Variants in AKAP13 observed in about 807,000 individuals in gnomAD.
The protein encoded by AKAP13 is A-kinase anchoring protein 13, also known as A-kinase anchor protein 13.
AKAP13 carries 80 observed loss-of-function variants against 264.5 expected under a neutral mutation model. The observed-to-expected ratio is 0.30, with a 90% confidence interval of 0.25 to 0.36. The LOEUF is 0.36. AKAP13 is among the 10% of genes least tolerant of loss of function. The probability of loss-of-function intolerance (pLI) is 1.00; values close to 1 mark genes in which losing one functional copy is unlikely to be tolerated. For synonymous variants in AKAP13, 1,380 were observed against 1,250.2 expected (o/e 1.10, Z -2.19); for missense variants, 3,712 against 3,435.2 (o/e 1.08, Z -2.01).
chr15:85,412,415 C>G (rs2072017233), intron 1 of AKAP13, among the ~76,000 whole-genome samples: 2 of 152,180 alleles, frequency 1.3e-5, no homozygotes, highest in Non-Finnish European at 2.9e-5. Flanking sequence ...ATCCAGCTGT[C>G]TTCTATTAAG....
intron 5 of AKAP13, among the ~76,000 whole-genome samples, chr15:85,562,350 A>C (rs950822451): frequency 1.3e-5 from 2 of 151,614 alleles, no homozygotes; most frequent in African/African-American, 4.8e-5. Flanking sequence ...GGATCACCTG[A>C]GGTCAGGAGT....
At chr15:85,651,969 T>G (rs2082874886) in intron 10 of AKAP13, among the ~76,000 whole-genome samples, 1 of 152,234 alleles carries the variant, frequency 6.6e-6, no homozygotes, top group African/African-American at 2.4e-5. Flanking sequence ...TGATGTTTTG[T>G]TTTCCTTTTT....
intron 1 of AKAP13, among the ~76,000 whole-genome samples, chr15:85,414,537 A>G (rs1044351189): frequency 1.3e-5 from 2 of 152,362 alleles, no homozygotes; most frequent in Non-Finnish European, 2.9e-5. Flanking sequence ...AAGATGGGAA[A>G]AAATCCTCTT....
intron 17 of AKAP13, among the ~76,000 whole-genome samples, chr15:85,707,740 C>T (rs575095455): frequency 4.6e-5 from 7 of 151,966 alleles, no homozygotes; most frequent in South Asian, 4.2e-4. Flanking sequence ...TCACTTGAGT[C>T]GTTGTTCCTC....
At chr15:85,661,060 C>T (rs1373906165) in intron 12 of AKAP13, among the ~76,000 whole-genome samples, 1 of 152,138 alleles carries the variant, frequency 6.6e-6, no homozygotes, top group Non-Finnish European at 1.5e-5. Flanking sequence ...TTTTATTGTC[C>T]ACAAGCTCTG....
chr15:85,700,124 T>C (rs2151662063), intron 17 of AKAP13, among the ~76,000 whole-genome samples: 1 of 152,350 alleles, frequency 6.6e-6, no homozygotes, highest in South Asian at 2.1e-4. Context: ...TATTTCTAGG[T>C]TACAAATAGT....
intron 1 of AKAP13, among the ~76,000 whole-genome samples, chr15:85,399,364 C>T (rs1289586316): frequency 9.4e-5 from 14 of 148,874 alleles, no homozygotes; most frequent in Admixed American, 8.7e-4. Context: ...GGCGCGGTGG[C>T]GGGCGCCTGT....
In AKAP13 at chr15:85,747,975, G is replaced by A. The variant is rs1416392932; in HGVS notation, c.*3298G>A. Reference sequence around the variant, plus strand: ...CGTTGTTTCTTGATGTGGGAGGGGAGGTGTTAGTGCATGCAAGGGTTGAAC... The same window carrying A: ...CGTTGTTTCTTGATGTGGGAGGGGAAGTGTTAGTGCATGCAAGGGTTGAAC... On this transcript the variant is annotated 3_prime_UTR_variant, in exon 37 of 37. Transcript: ENST00000394518. 1.3e-5 allele frequency: 2 copies of A among 152,598 alleles called. No individual in the cohort carries two copies. The highest frequency in any genetic ancestry group is 4.8e-5 in the African/African-American group (2 of 41,410). The allele number at this position is 152,598 out of a possible 1,614,324, so 9.5% of individuals were successfully genotyped here.
At position 85,649,473 on chromosome 15, in the gene AKAP13, G is replaced by T. The variant is rs144920253; in HGVS notation, c.4374+3519G>T. Among the ~76,000 whole-genome samples, 34 of 152,246 alleles carry T rather than the reference G, an allele frequency of 2.2e-4. No individual in the cohort carries two copies. In the East Asian group the frequency reaches 6.6e-3, roughly 29 times the overall value. On this transcript the variant is annotated intron_variant, in intron 10 of 36. Coordinates refer to ENST00000394518, the MANE Select transcript of AKAP13 (RefSeq NM_007200.5). Reference sequence around the variant, plus strand: ...AGAATGTCTTGCAGTTTGTTCCCAGGTTCTAACCCTCTTCTCCATCTCTAA... The same window carrying T: ...AGAATGTCTTGCAGTTTGTTCCCAGTTTCTAACCCTCTTCTCCATCTCTAA...
intron 2 of AKAP13, among the ~76,000 whole-genome samples, chr15:85,493,137 T>G (rs1335927432): frequency 2.0e-5 from 3 of 152,180 alleles, no homozygotes; most frequent in East Asian, 3.8e-4. Context: ...TTGCCTGAGG[T>G]TTAAGGGGGC....
At chr15:85,492,564 T>C (rs559461065) in intron 2 of AKAP13, among the ~76,000 whole-genome samples, 2 of 152,330 alleles carry the variant, frequency 1.3e-5, no homozygotes, top group South Asian at 4.1e-4. Flanking sequence ...TATTTCAGCA[T>C]ATATTTCCTA....
At chr15:85,392,185 ATTAC>A (rs1440326272) in intron 1 of AKAP13, among the ~76,000 whole-genome samples, 3 of 121,144 alleles carry the variant, frequency 2.5e-5, no homozygotes, top group Admixed American at 9.3e-5. Flanking sequence ...GGTTGCTGAT[ATTAC>A]TTATTCCATT....
Position 85,730,557 on chromosome 15 carries a change from GAGA to G in AKAP13, c.7135_7137del (p.Lys2379del). 6 of 1,614,162 alleles carry G rather than the reference GAGA, an allele frequency of 3.7e-6. No individual in the cohort carries two copies. The highest frequency in any genetic ancestry group is 2.2e-5 in the East Asian group (1 of 44,878). ...CCAAAAAATCCTACTCTTGTTGGAA[GAGA>G]AGGAGATGATTTTCCGGGACATGGC... On this transcript the variant is annotated inframe_deletion, in exon 30 of 37. Coordinates refer to ENST00000394518, the MANE Select transcript of AKAP13 (RefSeq NM_007200.5).
intron 13 of AKAP13, among the ~76,000 whole-genome samples, chr15:85,666,974 A>G (rs2083637485): frequency 6.6e-6 from 1 of 152,212 alleles, no homozygotes; most frequent in Non-Finnish European, 1.5e-5. Context: ...GGGTCAGAAG[A>G]CTGATTAATT....
intron 5 of AKAP13, among the ~76,000 whole-genome samples, chr15:85,552,616 C>T (rs1720554615): frequency 7.2e-6 from 1 of 139,400 alleles, no homozygotes; most frequent in South Asian, 2.2e-4. Flanking sequence ...AATTTATCAT[C>T]GTTTTTTTGG....
intron 14 of AKAP13, among the ~76,000 whole-genome samples, chr15:85,677,645 G>T (rs2455557): frequency 0.21 from 30,693 of 145,614 alleles, 4,699 homozygotes; most frequent in East Asian, 0.54. Flanking sequence ...AGTGTGTGTT[G>T]TGTTTTTTTT....
At chr15:85,618,580 A>G (rs2081041881) in intron 8 of AKAP13, among the ~76,000 whole-genome samples, 1 of 152,064 alleles carries the variant, frequency 6.6e-6, no homozygotes, top group South Asian at 2.1e-4. Context: ...CAGGTGAGAG[A>G]ATGCATTCTG....
chr15:85,572,670 T>A (rs577831943), intron 5 of AKAP13, among the ~76,000 whole-genome samples: 145 of 150,968 alleles, frequency 9.6e-4, no homozygotes, highest in African/African-American at 2.2e-3. Flanking sequence ...AAAAAAAAAA[T>A]TTTTTTTTTA....
chr15:85,601,608 T>TTGTGTGTGTGTGTGTGTGTGTGTG lies in AKAP13; in HGVS notation c.4161+15803_4161+15826dup, dbSNP rs10574160. 2.7e-3 allele frequency among the ~76,000 whole-genome samples: 358 copies of TTGTGTGTGTGTGTGTGTGTGTGTG among 132,068 alleles called. 3 individuals carry two copies. Among genetic ancestry groups the TTGTGTGTGTGTGTGTGTGTGTGTG allele is most frequent in the Non-Finnish European group, 3.6e-3 (228 of 62,596 alleles). 86.6% of individuals were successfully genotyped at this position (132,068 alleles called of 152,430 possible). Reference sequence around the variant, plus strand: ...TCTCATCTTCTCTCACCTGAATTCTTTGTGTGTGTGTGTGTGTGTGTGTGT... The same window carrying TTGTGTGTGTGTGTGTGTGTGTGTG: ...TCTCATCTTCTCTCACCTGAATTCTTTGTGTGTGTGTGTGTGTGTGTGTGTGTGTGTGTGTGTGTGTGTGTGTGT... On this transcript the variant is annotated intron_variant, in intron 8 of 36. Coordinates refer to ENST00000394518, the MANE Select transcript of AKAP13 (RefSeq NM_007200.5).
Sources: allele counts gnomAD v4.1 joint callset (sites outside exome capture counted in the v4.1 genomes callset), GRCh38; gene constraint gnomAD v4.1.1; transcripts MANE v1.5; gene names NCBI Gene and HGNC (gene_info 2026-07-23, HGNC 2026-07-21).